Variants in ZNF521 observed in about 807,000 individuals in gnomAD.
The protein encoded by ZNF521 is zinc finger protein 521.
Under a neutral mutation model 105.5 loss-of-function variants are expected in ZNF521, and 14 were observed. That is an observed-to-expected ratio of 0.13 (90% CI 0.09 to 0.21). The LOEUF (loss-of-function observed/expected upper bound fraction) is 0.21. Among genes scored for constraint, ZNF521 ranks in the 10% least tolerant of loss-of-function variants. The pLI is 1.00. For synonymous variants in ZNF521, 635 were observed against 606.0 expected, an observed-to-expected ratio of 1.05 and a Z score of -0.70; for missense variants, 1,233 against 1,629.7, an observed-to-expected ratio of 0.76 and a Z score of 4.19.
intron 2 of ZNF521, among the ~76,000 whole-genome samples, chr18:25,323,807 T>A (rs908203040): frequency 6.6e-6 from 1 of 152,212 alleles, no homozygotes; most frequent in African/African-American, 2.4e-5. Flanking sequence ...GTCTGGCAGT[T>A]GTTCTAGAGC....
chr18:25,149,642 T>C (rs968762919), intron 5 of ZNF521, among the ~76,000 whole-genome samples: 1 of 152,206 alleles, frequency 6.6e-6, no homozygotes, highest in South Asian at 2.1e-4. Context: ...GGCAGCACTC[T>C]CATTGAGAAT....
At chr18:25,163,411 AT>A in intron 5 of ZNF521, among the ~76,000 whole-genome samples, 1 of 152,300 alleles carries the variant, frequency 6.6e-6, no homozygotes, top group South Asian at 2.1e-4. Context: ...TAGAATTAAG[AT>A]TGGCCTGGTT....
intron 5 of ZNF521, among the ~76,000 whole-genome samples, chr18:25,140,498 C>T (rs530302047): frequency 1.3e-5 from 2 of 152,250 alleles, no homozygotes; most frequent in East Asian, 3.9e-4. Context: ...TTAGCTAAAA[C>T]TGTTAAAACT....
intron 5 of ZNF521, among the ~76,000 whole-genome samples, chr18:25,157,378 T>C (rs962587262): frequency 2.6e-5 from 4 of 152,292 alleles, no homozygotes; most frequent in Non-Finnish European, 2.9e-5. Flanking sequence ...CACACAAAGA[T>C]AGAGATGTGA....
At chr18:25,250,376 C>T (rs1600213834) in intron 3 of ZNF521, among the ~76,000 whole-genome samples, 2 of 152,212 alleles carry the variant, frequency 1.3e-5, no homozygotes, top group South Asian at 2.1e-4. Context: ...AAATTATCAT[C>T]AGCAACTTGT....
intron 5 of ZNF521, among the ~76,000 whole-genome samples, chr18:25,125,905 T>A (rs868623411): frequency 7.9e-5 from 12 of 152,038 alleles, no homozygotes; most frequent in Admixed American, 6.6e-4. Flanking sequence ...TAGGAAATTG[T>A]ATATTTTATC....
chr18:25,244,884 C>G (rs1362381478), intron 3 of ZNF521, among the ~76,000 whole-genome samples: 1 of 152,184 alleles, frequency 6.6e-6, no homozygotes, highest in Non-Finnish European at 1.5e-5. Context: ...TTCTACCAAC[C>G]TTATATATTT....
At chr18:25,086,866 G>A (rs1201267301) in intron 7 of ZNF521, among the ~76,000 whole-genome samples, 1 of 152,144 alleles carries the variant, frequency 6.6e-6, no homozygotes, top group Admixed American at 6.6e-5. Flanking sequence ...TGTGTGTTCT[G>A]CACTAAAATT....
intron 3 of ZNF521, among the ~76,000 whole-genome samples, chr18:25,240,806 A>T (rs1907266890): frequency 6.6e-6 from 1 of 151,812 alleles, no homozygotes; most frequent in Middle Eastern, 3.4e-3. Flanking sequence ...TAGATTAAAA[A>T]CCCCATGGAA....
At chr18:25,094,867 A>G (rs2033820961) in intron 5 of ZNF521, among the ~76,000 whole-genome samples, 1 of 152,158 alleles carries the variant, frequency 6.6e-6, no homozygotes, top group African/African-American at 2.4e-5. Context: ...TAGTAACACA[A>G]AACATTCTAA....
chr18:25,249,121 T>C (rs2144836738), intron 3 of ZNF521, among the ~76,000 whole-genome samples: 1 of 152,190 alleles, frequency 6.6e-6, no homozygotes, highest in Middle Eastern at 3.4e-3. Flanking sequence ...AGAATAAATA[T>C]TTATGGTACC....
intron 3 of ZNF521, among the ~76,000 whole-genome samples, chr18:25,249,243 C>A (rs1907938251): frequency 6.6e-6 from 1 of 151,738 alleles, no homozygotes; most frequent in Non-Finnish European, 1.5e-5. Flanking sequence ...GCAAGCTCCG[C>A]CTCCTGGGTT....
intron 3 of ZNF521, among the ~76,000 whole-genome samples, chr18:25,303,291 TGTGTGTGTGTGTGTGTGTGAGAGA>T (rs1261506513): frequency 8.9e-6 from 1 of 112,520 alleles, no homozygotes; most frequent in Non-Finnish European, 1.8e-5. Flanking sequence ...TGTGTGTGTG[TGTGTGTGTGTGTGTGTGTGAGAGA>T]GAGACGGAGT....
intron 3 of ZNF521, chr18:25,302,901 A>G (rs1911721579): frequency 6.6e-6 from 1 of 152,254 alleles, no homozygotes; most frequent in African/African-American, 2.4e-5. Flanking sequence ...GACGAAAAAA[A>G]TCGTGAGCAA....
At position 25,121,540 on chromosome 18, in the gene ZNF521, A is replaced by G. The variant is rs539880607; in HGVS notation, c.3659-29459T>C. Among the ~76,000 whole-genome samples, 114 of 151,978 alleles carry G rather than the reference A, an allele frequency of 7.5e-4. No individual in the cohort carries two copies. The Middle Eastern group carries it at 0.01, about 14-fold the overall frequency. ...TGCTGGGATTACAGTCATGAGCCAC[A>G]GCACCCAGCCAGAAAGTCTTAAAAA... is the stretch of plus-strand genomic sequence containing the variant. On this transcript the variant is annotated intron_variant, in intron 5 of 7. Coordinates refer to ENST00000361524, the MANE Select transcript of ZNF521 (RefSeq NM_015461.3).
At chr18:25,150,244 C>T (rs2035020944) in intron 5 of ZNF521, among the ~76,000 whole-genome samples, 1 of 152,080 alleles carries the variant, frequency 6.6e-6, no homozygotes, top group South Asian at 2.1e-4. Context: ...GATGCAAAGG[C>T]ATAAGAATGA....
chr18:25,122,771 T>C (rs188658334), intron 5 of ZNF521, among the ~76,000 whole-genome samples: 1 of 152,016 alleles, frequency 6.6e-6, no homozygotes, highest in African/African-American at 2.4e-5. Flanking sequence ...ACAGAAAAAA[T>C]TGGTAACTTG....
intron 3 of ZNF521, among the ~76,000 whole-genome samples, chr18:25,314,145 CATTT>C (rs761532994): frequency 6.6e-6 from 1 of 151,952 alleles, no homozygotes; most frequent in African/African-American, 2.4e-5. Context: ...TGAAATATCA[CATTT>C]ATTTCATGTA....
intron 3 of ZNF521, among the ~76,000 whole-genome samples, chr18:25,297,071 A>G (rs1387787870): frequency 6.6e-6 from 1 of 151,694 alleles, no homozygotes; most frequent in Non-Finnish European, 1.5e-5. Flanking sequence ...TTTTTCCCAT[A>G]CACACACATA....
Sources: gnomAD v4.1 joint callset for allele counts (sites outside exome capture counted in the v4.1 genomes callset) on GRCh38, gnomAD v4.1.1 for gene constraint, MANE v1.5 for transcripts, NCBI Gene and HGNC (gene_info 2026-07-23, HGNC 2026-07-21) for gene names.